Variants in ITGA8 observed in about 807,000 individuals in gnomAD.
ITGA8 encodes the protein integrin alpha-8.
ITGA8 carries 91 observed loss-of-function variants against 142.3 expected under a neutral mutation model. That is an observed-to-expected ratio of 0.64 (90% confidence interval 0.54 to 0.76). The LOEUF (loss-of-function observed/expected upper bound fraction) is 0.76, where lower values mean the gene tolerates loss of function less well. Ranked by LOEUF, ITGA8 falls within the 30% of genes least tolerant of loss-of-function variation. ITGA8 has a pLI of 0.00. For synonymous variants in ITGA8, 505 were observed against 485.2 expected, an observed-to-expected ratio of 1.04 and a Z score of -0.54; for missense variants, 1,406 against 1,327.7, an observed-to-expected ratio of 1.06 and a Z score of -0.92.
At chr10:15,543,239 A>G (rs373697888) in intron 27 of ITGA8, among the ~76,000 whole-genome samples, 45 of 152,312 alleles carry the variant, frequency 3.0e-4, no homozygotes, top group African/African-American at 9.6e-4. Flanking sequence ...CCCAGTATCT[A>G]CCAGAGACAG....
intron 28 of ITGA8, among the ~76,000 whole-genome samples, chr10:15,526,147 T>G (rs938220611): frequency 1.3e-5 from 2 of 152,128 alleles, no homozygotes; most frequent in African/African-American, 4.8e-5. Context: ...ATGATGAGAT[T>G]GCCTGAATTA....
intron 13 of ITGA8, among the ~76,000 whole-genome samples, chr10:15,634,987 TTTTCTTTC>T (rs1367265193): frequency 1.3e-5 from 2 of 151,386 alleles, no homozygotes; most frequent in East Asian, 3.9e-4. Context: ...ACTAAATATT[TTTTCTTTC>T]TTTCTTTCTT....
At chr10:15,526,496 A>G (rs955201253) in intron 28 of ITGA8, among the ~76,000 whole-genome samples, 2 of 152,068 alleles carry the variant, frequency 1.3e-5, no homozygotes, top group African/African-American at 4.8e-5. Flanking sequence ...TTCTTTTACC[A>G]AGAAGGTAGA....
chr10:15,627,891 A>G (rs1245640363), intron 13 of ITGA8, among the ~76,000 whole-genome samples: 2 of 152,044 alleles, frequency 1.3e-5, no homozygotes, highest in Non-Finnish European at 2.9e-5. Flanking sequence ...GATACAGGTC[A>G]CAAAGACCTT....
At chr10:15,538,342 G>A (rs138797866) in intron 27 of ITGA8, among the ~76,000 whole-genome samples, 2,417 of 151,994 alleles carry the variant, frequency 0.016, 31 homozygotes, top group Non-Finnish European at 0.028. Flanking sequence ...GTGAAACTCC[G>A]TCTCTACTAA....
chr10:15,516,195 G>C lies in ITGA8; in HGVS notation c.*963C>G, dbSNP rs9333255. On this transcript the variant is annotated 3_prime_UTR_variant, in exon 30 of 30. Transcript: ENST00000378076. ...TAATGAACTCTAGACATTTTACCAT[G>C]ACTTTTAAACACTCCAAAGGTAGAG... The C allele has an allele frequency of 6.6e-6, 1 of 152,114 alleles. No homozygotes were observed. Among genetic ancestry groups the C allele is most frequent in the Non-Finnish European group, 1.5e-5 (1 of 68,034 alleles). 9.4% of individuals were successfully genotyped at this position (152,114 alleles called of 1,614,324 possible).
chr10:15,595,595 T>C (rs1335535329), intron 21 of ITGA8, among the ~76,000 whole-genome samples: 1 of 152,220 alleles, frequency 6.6e-6, no homozygotes, highest in Non-Finnish European at 1.5e-5. Context: ...TCCTCCACTT[T>C]GAATGATACT....
chr10:15,679,977 A>G (rs566940406), intron 4 of ITGA8, among the ~76,000 whole-genome samples: 20 of 152,344 alleles, frequency 1.3e-4, no homozygotes, highest in Middle Eastern at 3.4e-3. Flanking sequence ...TTGGACATGT[A>G]AATAATTATT....
intron 13 of ITGA8, among the ~76,000 whole-genome samples, chr10:15,621,885 C>A (rs10795311): frequency 6.6e-6 from 1 of 151,906 alleles, no homozygotes; most frequent in African/African-American, 2.4e-5. Flanking sequence ...CAGCTGGGCA[C>A]GGTGGCTCAT....
intron 11 of ITGA8, among the ~76,000 whole-genome samples, chr10:15,648,083 A>AG (rs1834019993): frequency 6.6e-6 from 1 of 152,256 alleles, no homozygotes; most frequent in Non-Finnish European, 1.5e-5. Flanking sequence ...ATGGGCAGGA[A>AG]GAGGACTAGA....
intron 4 of ITGA8, among the ~76,000 whole-genome samples, chr10:15,680,301 C>G (rs1834713759): frequency 1.4e-5 from 2 of 142,964 alleles, no homozygotes; most frequent in Non-Finnish European, 3.0e-5. Context: ...GATCTCAGCT[C>G]ACTACAAGCT....
rs780763014 is a variant in ITGA8 at position 15,644,006 on chromosome 10, G to A, written c.1399+24C>T. On this transcript the variant is annotated intron_variant, in intron 13 of 29. Transcript: ENST00000378076. The stretch of plus-strand genomic sequence containing the variant: ...TCTATTTCAGGACGTAGACTCTCAC[G>A]TGGGAAAAGAAAGAAAACCTTACCT... 102 of 1,596,476 alleles carry A rather than the reference G, an allele frequency of 6.4e-5. 1 individual carries two copies. The South Asian group carries it at 8.7e-4, about 14-fold the overall frequency.
At chr10:15,671,255 C>T (rs1030935892) in intron 8 of ITGA8, among the ~76,000 whole-genome samples, 1 of 151,984 alleles carries the variant, frequency 6.6e-6, no homozygotes, top group African/African-American at 2.4e-5. Flanking sequence ...TGGACATGTC[C>T]AATATGAGAG....
intron 21 of ITGA8, among the ~76,000 whole-genome samples, chr10:15,595,324 G>C (rs1832994417): frequency 6.6e-6 from 1 of 152,064 alleles, no homozygotes; most frequent in Non-Finnish European, 1.5e-5. Context: ...AACCCACTGA[G>C]AGTATTCTTT....
intron 28 of ITGA8, among the ~76,000 whole-genome samples, chr10:15,530,101 T>G (rs539781776): frequency 2.0e-5 from 3 of 152,318 alleles, no homozygotes; most frequent in African/African-American, 7.2e-5. Flanking sequence ...CACAAATAAC[T>G]GAAAAGGCAG....
chr10:15,651,296 T>G (rs920681367), intron 11 of ITGA8, among the ~76,000 whole-genome samples: 1 of 152,198 alleles, frequency 6.6e-6, no homozygotes, highest in Non-Finnish European at 1.5e-5. Flanking sequence ...AAGCTTACAT[T>G]GACGGAGTTT....
intron 13 of ITGA8, among the ~76,000 whole-genome samples, chr10:15,638,439 T>C (rs1833810843): frequency 6.6e-6 from 1 of 152,218 alleles, no homozygotes; most frequent in South Asian, 2.1e-4. Flanking sequence ...GTAGATTTCT[T>C]AATAGGCTGC....
intron 25 of ITGA8, among the ~76,000 whole-genome samples, chr10:15,570,008 G>C (rs1369789470): frequency 6.6e-6 from 1 of 152,142 alleles, no homozygotes; most frequent in South Asian, 2.1e-4. Context: ...AAACTCTCTT[G>C]ATTATCTGTT....
rs1833688018 is a variant in ITGA8, at chr10:15,631,697, C to T, written c.1399+12333G>A. Among the ~76,000 whole-genome samples the T allele has an allele frequency of 1.3e-5, 2 of 148,568 alleles. 1 individual carries two copies. Among genetic ancestry groups the T allele is most frequent in the South Asian group, 4.3e-4 (2 of 4,704 alleles). ...AACCTGCATGTTCTGCACATGTATC[C>T]CAGAACTTAAAGTATATTAAGAAAA... On this transcript the variant is annotated intron_variant, in intron 13 of 29. Transcript: ENST00000378076.
Sources: allele counts gnomAD v4.1 joint callset (sites outside exome capture counted in the v4.1 genomes callset), GRCh38; gene constraint gnomAD v4.1.1; transcripts MANE v1.5; gene names NCBI Gene and HGNC (gene_info 2026-07-23, HGNC 2026-07-21).